The following TAOK2 variants were observed in gnomAD, a reference collection of about 807,000 sequenced individuals.
TAOK2 encodes the protein serine/threonine-protein kinase TAO2.
Under a neutral mutation model 122.5 loss-of-function variants are expected in TAOK2, and 42 were observed. The ratio of observed to expected loss-of-function variants is 0.34; its 90% CI spans 0.27 to 0.44. The LOEUF (loss-of-function observed/expected upper bound fraction) is 0.44, where lower values mean the gene tolerates loss of function less well. Among genes scored for constraint, TAOK2 ranks in the 20% least tolerant of loss-of-function variants. The pLI, the probability that TAOK2 is intolerant of heterozygous loss-of-function variation, is 1.00. For missense variants in TAOK2, 1,264 were observed against 1,644.9 expected (o/e 0.77, Z 4.01); for synonymous variants, 704 against 677.6 (o/e 1.04, Z -0.61).
In TAOK2 at chr16:29,988,339, C is replaced by A; in HGVS notation, c.*359C>A. On this transcript the variant is annotated 3_prime_UTR_variant, in exon 16 of 16. Transcript: ENST00000308893. ...TTCTGTCTCCCTTCCAACCTGTCCCCTTCCCCCCACCAAAAAAAGAAAAAG... is the reference window on the plus strand; with the variant it reads ...TTCTGTCTCCCTTCCAACCTGTCCCATTCCCCCCACCAAAAAAAGAAAAAG... 1 of 1,400,360 alleles carries A rather than the reference C, an allele frequency of 7.1e-7. No homozygotes were observed. Among genetic ancestry groups the A allele is most frequent in the Non-Finnish European group, 9.4e-7 (1 of 1,060,930 alleles). The allele number at this position is 1,400,360 out of a possible 1,614,324, so 86.7% of individuals were successfully genotyped here. A position where few individuals can be genotyped will look rare whatever the true frequency, so the allele number is the denominator to read the frequency against.
intron 11 of TAOK2, 46 bp from the exon 12 acceptor site, chr16:29,983,026 C>T: frequency 1.2e-6 from 2 of 1,611,266 alleles, no homozygotes; most frequent in South Asian, 2.2e-5. Flanking sequence ...TGCATATGCC[C>T]CAGGGCTTCC....
chr16:29,986,265 G>A lies in TAOK2; in HGVS notation c.1993G>A (p.Asp665Asn), dbSNP rs748293084. Residue 665 changes from aspartate to asparagine, a missense_variant and splice_region_variant, in exon 16 of 16, where the codon GAC becomes AAC. This residue lies in a region of TAOK2 where 824 missense variants were observed against 908.7 expected (regional missense o/e 0.91). Transcript: ENST00000308893. This position sits in a 1 kb window ranked among gnomAD's most constrained non-coding sequence, Gnocchi z 4.2. ...HSLDQDLLRE[D>N]LNKKQTQKDL... ...GGGCCCTGCATTTCTTCTGCCTCAG[G>A]ACCTGAACAAGAAGCAGACCCAGAA... 2 of 1,513,550 alleles carry A rather than the reference G, an allele frequency of 1.3e-6. No individual in the cohort carries two copies. The highest frequency in any genetic ancestry group is 1.3e-5 in the South Asian group (1 of 75,138). 93.8% of individuals were successfully genotyped at this position (1,513,550 alleles called of 1,614,324 possible).
rs745820460 is a variant in TAOK2 at position 29,985,653 on chromosome 16, C to T, written c.1789-5C>T. The T allele has an allele frequency of 1.3e-5, 21 of 1,610,892 alleles. 1 individual carries two copies. The South Asian group carries it at 2.0e-4, about 15-fold the overall frequency. Reference sequence around the variant, plus strand: ...CTGACCCTGCTTCCCTCTGCACTCGCCCAGGAGCTCCAGGAGAACCCCAGC... The same window carrying T: ...CTGACCCTGCTTCCCTCTGCACTCGTCCAGGAGCTCCAGGAGAACCCCAGC... On this transcript the variant is annotated splice_region_variant and splice_polypyrimidine_tract_variant and intron_variant, in intron 14 of 15. Coordinates refer to ENST00000308893, the MANE Select transcript of TAOK2 (RefSeq NM_016151.4). This position sits in a 1 kb window ranked among gnomAD's most constrained non-coding sequence, Gnocchi z 6.9.
intron 1 of TAOK2, among the ~76,000 whole-genome samples, chr16:29,977,527 A>T (rs1370928830): frequency 6.6e-6 from 1 of 151,772 alleles, no homozygotes; most frequent in Non-Finnish European, 1.5e-5. Context: ...AGTTTTAGGG[A>T]CTCCAGGGAC....
chr16:29,989,847 G>T, downstream of TAOK2: 1 of 1,596,046 alleles, frequency 6.3e-7, no homozygotes, highest in Non-Finnish European at 8.6e-7. Context: ...TAGAGGCCAG[G>T]CTCTGTACTT....
intron 8 of TAOK2, among the ~76,000 whole-genome samples, chr16:29,980,069 G>A (rs2069569549): frequency 6.6e-6 from 1 of 152,192 alleles, no homozygotes; most frequent in Non-Finnish European, 1.5e-5. Flanking sequence ...GGTAAGTGCA[G>A]GCCTGGGGAA....
chr16:29,986,890 G>C lies in TAOK2; in HGVS notation c.2618G>C (p.Trp873Ser), dbSNP rs770242526. 1.7e-5 allele frequency: 28 copies of C among 1,613,716 alleles called. No individual in the cohort carries two copies. The highest frequency in any genetic ancestry group is 2.3e-5 in the Non-Finnish European group (27 of 1,179,768). Residue 873 changes from tryptophan (W) to serine (S), a missense_variant, in exon 16 of 16, where the codon TGG becomes TCG. Transcript: ENST00000308893. This position sits in a 1 kb window ranked among gnomAD's most constrained non-coding sequence, Gnocchi z 4.2. ...GQEEAGTWSL[W>S]GKEDESLLDE... ...GAGGAGGCTGGGACATGGAGCTTGT[G>C]GGGGAAGGAGGATGAGAGTCTTCTG...
chr16:29,989,474 C>T (rs1025744050), downstream of TAOK2: 1 of 1,519,918 alleles, frequency 6.6e-7, no homozygotes, highest in Non-Finnish European at 8.8e-7. Flanking sequence ...GCTTCTGTCT[C>T]CTCTCCTCTT....
Position 29,987,605 on chromosome 16 carries a change from GTT to G in TAOK2, c.3335_3336del (p.Phe1112CysfsTer24). On this transcript the variant is annotated frameshift_variant, in exon 16 of 16. Transcript: ENST00000308893. LOFTEE classifies it high-confidence loss of function. ...GTGGGGCTGTGGGGGACCGGGGTCTGTTTGCACTGTACCCCAAAACCAACAAG... is the reference window on the plus strand; with the variant it reads ...GTGGGGCTGTGGGGGACCGGGGTCTGTGCACTGTACCCCAAAACCAACAAG... The part of the protein sequence containing the change: ...GCGAVGDRGL[F>X]ALYPKTNKDG... The G allele has an allele frequency of 6.2e-7, 1 of 1,612,996 alleles. No homozygotes were observed.
chr16:29,976,213 T>C (rs1567236861), intron 1 of TAOK2, among the ~76,000 whole-genome samples: 1 of 152,120 alleles, frequency 6.6e-6, no homozygotes, highest in Non-Finnish European at 1.5e-5. Flanking sequence ...CACCTGCCTT[T>C]GTGTGTGGGT....
intron 4 of TAOK2, among the ~76,000 whole-genome samples, 153 bp downstream of exon 4, chr16:29,978,506 C>T (rs939937762): frequency 6.6e-6 from 1 of 152,162 alleles, no homozygotes; most frequent in Non-Finnish European, 1.5e-5. Flanking sequence ...CTCAGACATA[C>T]CCACTGAGCA....
In TAOK2 at chr16:29,979,076, A is replaced by G. The variant is rs2150885598; in HGVS notation, c.449+6A>G. ...TCCCACAACATGATCCATAGGTACA[A>G]GCAGCACCGGCAGTGCCTGGGAGGG... On this transcript the variant is annotated splice_donor_region_variant and intron_variant, in intron 6 of 15. Transcript: ENST00000308893. This position sits in a 1 kb window ranked among gnomAD's most constrained non-coding sequence, Gnocchi z 4.1. The G allele has an allele frequency of 3.1e-6, 5 of 1,614,154 alleles. No individual in the cohort carries two copies. The highest frequency in any genetic ancestry group is 3.4e-6 in the Non-Finnish European group (4 of 1,180,020).
intron 5 of TAOK2, 34 bp downstream of exon 5, chr16:29,978,878 G>A: frequency 3.1e-6 from 5 of 1,614,036 alleles, no homozygotes; most frequent in Non-Finnish European, 4.2e-6. Context: ...GTGGAGAAGG[G>A]AGAAGAGCAG....
At chr16:29,988,639 T>C (rs2069891712), downstream of TAOK2, 2 of 985,446 alleles carry the variant, frequency 2.0e-6, no homozygotes, top group Non-Finnish European at 2.4e-6. Context: ...ACAGAGCGCC[T>C]GTTTGCGGGT....
At position 29,987,643 on chromosome 16, in the gene TAOK2, G is replaced by A; in HGVS notation, c.3371G>A (p.Arg1124His). ...LYPKTNKDGFRSRLPVPGPRR... is the reference protein window; with the variant it reads ...LYPKTNKDGFHSRLPVPGPRR... ...CCCAAAACCAACAAGGATGGCTTCCGCAGCCGCCTGCCCGTCCCTGGGCCC... is the reference window on the plus strand; with the variant it reads ...CCCAAAACCAACAAGGATGGCTTCCACAGCCGCCTGCCCGTCCCTGGGCCC... Residue 1124 changes from arginine to histidine, a missense_variant, in exon 16 of 16, where the codon CGC becomes CAC. By Grantham distance (29) the Arg-to-His change is conservative (BLOSUM62 0). This residue lies in a region of TAOK2 where 824 missense variants were observed against 908.7 expected (regional missense o/e 0.91). Coordinates refer to ENST00000308893, the MANE Select transcript of TAOK2 (RefSeq NM_016151.4). The A allele has an allele frequency of 1.9e-6, 3 of 1,613,342 alleles. No individual in the cohort carries two copies. Among genetic ancestry groups the A allele is most frequent in the Non-Finnish European group, 1.7e-6 (2 of 1,179,530 alleles).
At chr16:29,981,982 T>C (rs1596603575) in intron 10 of TAOK2, 42 bp downstream of exon 10, 1 of 1,523,430 alleles carries the variant, frequency 6.6e-7, no homozygotes, top group Non-Finnish European at 9.0e-7. Context: ...AACTGTAGCT[T>C]GTTACAGCCA....
chr16:29,988,792 CA>C (rs1206391486), downstream of TAOK2: 2 of 985,230 alleles, frequency 2.0e-6, no homozygotes, highest in Non-Finnish European at 2.4e-6. Context: ...AGACCCTCCA[CA>C]GTAGGGGGTG....
At position 29,987,871 on chromosome 16, in the gene TAOK2, G is replaced by T; in HGVS notation, c.3599G>T (p.Arg1200Leu). The change falls in exon 16 of 16, where the codon CGC (arginine) becomes CTC (leucine). Residue 1200 changes from arginine to leucine, a missense_variant. This residue lies in a region of TAOK2 where 824 missense variants were observed against 908.7 expected (regional missense o/e 0.91). Coordinates refer to ENST00000308893, the MANE Select transcript of TAOK2 (RefSeq NM_016151.4). ...ACCCGAATCCCCCGGCTACTACCAC[G>T]CAGCCAGCGCCAGCTAGGGCCCCCT... ...RPTRIPRLLPRSQRQLGPPAS... is the reference protein window; with the variant it reads ...RPTRIPRLLPLSQRQLGPPAS... 1 of 1,605,700 alleles carries T rather than the reference G, an allele frequency of 6.2e-7. No individual in the cohort carries two copies.
intron 8 of TAOK2, chr16:29,980,455 T>G (rs1253128503): frequency 2.6e-5 from 4 of 152,348 alleles, no homozygotes. Context: ...CCCTGTTGCC[T>G]TCAAGACTGA....
Sources: allele counts gnomAD v4.1 joint callset (sites outside exome capture counted in the v4.1 genomes callset), GRCh38; gene constraint gnomAD v4.1.1; regional missense constraint gnomAD v4.1.1; non-coding constraint Gnocchi (gnomAD v3.1); transcripts MANE v1.5; gene names NCBI Gene and HGNC (gene_info 2026-07-23, HGNC 2026-07-21).